The following SPAG17 variants were observed in gnomAD, a reference collection of about 807,000 sequenced individuals.
SPAG17 encodes sperm associated antigen 17.
A neutral mutation model predicts 273.6 loss-of-function variants in SPAG17; 169 were observed. That is an observed-to-expected ratio of 0.62 (90% CI 0.55 to 0.70). The LOEUF (loss-of-function observed/expected upper bound fraction) is 0.70. Among genes scored for constraint, SPAG17 ranks in the 30% least tolerant of loss-of-function variants. The pLI is 0.00. For missense variants in SPAG17, 2,557 were observed against 2,627.8 expected (o/e 0.97, Z 0.59); for synonymous variants, 825 against 873.2 (o/e 0.94, Z 0.97).
intron 42 of SPAG17, among the ~76,000 whole-genome samples, chr1:117,982,643 C>A (rs1326570547): frequency 6.6e-6 from 1 of 152,186 alleles, no homozygotes; most frequent in Admixed American, 6.5e-5. Context: ...TGAAGACATT[C>A]TCCTACATAT....
In SPAG17 at chr1:118,081,424, G is replaced by T. The variant is rs1208368108; in HGVS notation, c.1981C>A (p.Gln661Lys). Reference sequence around the variant, plus strand: ...CCTCCATGCAGTGTACCTGCTTTCTGCTTGGCCTCTTGAGTATTCATTTTC... The same window carrying T: ...CCTCCATGCAGTGTACCTGCTTTCTTCTTGGCCTCTTGAGTATTCATTTTC... ...VMKMNTQEAK[Q>K]KADIKIKDRT... Residue 661 changes from glutamine to lysine, a missense_variant, in exon 14 of 49, where the codon CAG becomes AAG. Coordinates refer to ENST00000336338, the MANE Select transcript of SPAG17 (RefSeq NM_206996.4). 1.2e-6 allele frequency: 2 copies of T among 1,613,592 alleles called. No homozygotes were observed. Among genetic ancestry groups the T allele is most frequent in the Non-Finnish European group, 1.7e-6 (2 of 1,179,886 alleles).
intron 7 of SPAG17, among the ~76,000 whole-genome samples, chr1:118,096,992 C>T (rs12125511): frequency 0.4 from 60,303 of 151,942 alleles, 13,080 homozygotes; most frequent in Non-Finnish European, 0.49. Flanking sequence ...CCTAGCACTT[C>T]GGGAGGCCAA....
intron 4 of SPAG17, among the ~76,000 whole-genome samples, chr1:118,109,245 G>T (rs1382101962): frequency 1.3e-5 from 2 of 150,968 alleles, no homozygotes; most frequent in Non-Finnish European, 3.0e-5. Flanking sequence ...AGATTCAAGC[G>T]ATTCTCCTGC....
chr1:117,973,412 A>G lies in SPAG17; in HGVS notation c.6141+13T>C. The G allele has an allele frequency of 6.2e-7, 1 of 1,610,460 alleles. No individual in the cohort carries two copies. ...GATTGGCTGTGGGGAATTTGTTCCA[A>G]TGTTTGTTTTACCTTTGCAAGAGGT... On this transcript the variant is annotated intron_variant, in intron 44 of 48. Transcript: ENST00000336338.
At chr1:118,157,890 G>A (rs577602751) in intron 1 of SPAG17, among the ~76,000 whole-genome samples, 1 of 152,144 alleles carries the variant, frequency 6.6e-6, no homozygotes, top group South Asian at 2.1e-4. Flanking sequence ...TATTTTGGGG[G>A]GCTTCTGCTC....
intron 28 of SPAG17, among the ~76,000 whole-genome samples, chr1:118,020,516 T>C (rs1199855254): frequency 6.6e-6 from 1 of 151,724 alleles, no homozygotes; most frequent in East Asian, 1.9e-4. Context: ...ATACAATAAT[T>C]CTAAATGTAT....
intron 40 of SPAG17, among the ~76,000 whole-genome samples, chr1:117,986,844 T>A (rs1161377384): frequency 6.6e-6 from 1 of 152,212 alleles, no homozygotes; most frequent in Non-Finnish European, 1.5e-5. Flanking sequence ...ACCTTCCCTC[T>A]GCTCTTCTTC....
In SPAG17 at chr1:118,040,797, C is replaced by T; in HGVS notation, c.3099G>A (p.Gly1033=). 6.2e-7 allele frequency: 1 copy of T among 1,603,470 alleles called. No individual in the cohort carries two copies. Among genetic ancestry groups the T allele is most frequent in the Non-Finnish European group, 8.5e-7 (1 of 1,170,220 alleles). Residue 1033 remains glycine (G), a synonymous_variant, in exon 22 of 49, where the codon GGG becomes GGA. Coordinates refer to ENST00000336338, the MANE Select transcript of SPAG17 (RefSeq NM_206996.4). ...NMGNIPTQIS[G]SNYYLYPSDG... is the part of the protein sequence containing the mutation. ...CAGAAGGATACAGGTAGTAATTTGA[C>T]CCTGAGATTTGAGTGGGTATATTTC...
intron 28 of SPAG17, among the ~76,000 whole-genome samples, chr1:118,021,728 A>T (rs537479645): frequency 2.2e-4 from 33 of 152,298 alleles, no homozygotes; most frequent in African/African-American, 7.2e-4. Flanking sequence ...AAGTGAGTGC[A>T]TCATCTTGGA....
At position 118,097,135 on chromosome 1, in the gene SPAG17, T is replaced by C. The variant is rs374992953; in HGVS notation, c.1011+535A>G. On this transcript the variant is annotated intron_variant, in intron 7 of 48. Transcript: ENST00000336338. Reference sequence around the variant, plus strand: ...CTGTAGTCCCAGCTACATGGGAGGCTGAGGCAAGAGAATCACCTGAACTCA... The same window carrying C: ...CTGTAGTCCCAGCTACATGGGAGGCCGAGGCAAGAGAATCACCTGAACTCA... 4.6e-5 allele frequency among the ~76,000 whole-genome samples: 7 copies of C among 151,362 alleles called. No individual in the cohort carries two copies. In the East Asian group the frequency reaches 1.4e-3, roughly 30 times the overall value.
At chr1:117,998,913 T>C (rs1657958836) in intron 32 of SPAG17, among the ~76,000 whole-genome samples, 1 of 152,132 alleles carries the variant, frequency 6.6e-6, no homozygotes, top group Non-Finnish European at 1.5e-5. Flanking sequence ...ACATGTGCCA[T>C]ATTGGTTTGC....
At chr1:118,000,723 T>G (rs1467008142) in intron 32 of SPAG17, among the ~76,000 whole-genome samples, 1 of 152,224 alleles carries the variant, frequency 6.6e-6, no homozygotes, top group Non-Finnish European at 1.5e-5. Flanking sequence ...GATTTTGGGC[T>G]GAGATGATGG....
At chr1:117,980,826 T>C (rs998545296) in intron 43 of SPAG17, among the ~76,000 whole-genome samples, 1 of 152,344 alleles carries the variant, frequency 6.6e-6, no homozygotes, top group South Asian at 2.1e-4. Context: ...GATTATGTGC[T>C]ATGTAAGATA....
intron 4 of SPAG17, among the ~76,000 whole-genome samples, chr1:118,109,556 AAATAATAAT>A (rs10589035): frequency 1.9e-4 from 27 of 141,280 alleles, no homozygotes; most frequent in East Asian, 1.7e-3. Flanking sequence ...CTCTGTCTCA[AAATAATAAT>A]AATAATAATA....
chr1:118,137,637 TG>T (rs1558038437), intron 3 of SPAG17, among the ~76,000 whole-genome samples: 1 of 152,262 alleles, frequency 6.6e-6, no homozygotes, highest in African/African-American at 2.4e-5. Flanking sequence ...AAGTATTTAT[TG>T]AAGCAATATA....
intron 25 of SPAG17, among the ~76,000 whole-genome samples, chr1:118,028,920 T>G (rs1033182835): frequency 6.6e-6 from 1 of 152,146 alleles, no homozygotes; most frequent in African/African-American, 2.4e-5. Context: ...TGCCTCTTCC[T>G]CTTCTGCCAT....
rs775215968 is a variant in SPAG17, at chr1:118,036,739, A to G, written c.3433+31T>C. ...TGGCAGGGACCCTTGGCTGTGGGGC[A>G]CACTTATCCTTGCTGTTGTGTTCAT... On this transcript the variant is annotated intron_variant, in intron 24 of 48. Coordinates refer to ENST00000336338, the MANE Select transcript of SPAG17 (RefSeq NM_206996.4). 3.3e-5 allele frequency: 48 copies of G among 1,456,832 alleles called. No individual in the cohort carries two copies. In the South Asian group the frequency reaches 3.7e-4, roughly 11 times the overall value. 90.2% of individuals were successfully genotyped at this position (1,456,832 alleles called of 1,614,324 possible).
chr1:118,145,999 T>A (rs548925916), intron 3 of SPAG17, among the ~76,000 whole-genome samples: 1 of 152,330 alleles, frequency 6.6e-6, no homozygotes, highest in Admixed American at 6.5e-5. Flanking sequence ...GCTCATTTCC[T>A]GGTTGGTAGG....
At chr1:118,097,206 G>A (rs1162572103) in intron 7 of SPAG17, among the ~76,000 whole-genome samples, 2 of 150,772 alleles carry the variant, frequency 1.3e-5, no homozygotes, top group African/African-American at 2.4e-5. Flanking sequence ...CTTCAGCCTG[G>A]GCAACAGAGC....
Sources: gnomAD v4.1 joint callset for allele counts (sites outside exome capture counted in the v4.1 genomes callset) on GRCh38, gnomAD v4.1.1 for gene constraint, MANE v1.5 for transcripts, NCBI Gene and HGNC (gene_info 2026-07-23, HGNC 2026-07-21) for gene names.